The following FRMD4A variants were observed in gnomAD, a reference collection of about 807,000 sequenced individuals.
FRMD4A encodes FERM domain-containing protein 4A.
In FRMD4A, 29 loss-of-function variants were observed where a neutral mutation model predicts 129.1. The ratio of observed to expected loss-of-function variants is 0.22; its 90% CI spans 0.17 to 0.31. FRMD4A has a LOEUF of 0.31. Ranked by LOEUF, FRMD4A falls within the 10% of genes least tolerant of loss-of-function variation. The pLI is 1.00. For missense variants in FRMD4A, 1,272 were observed against 1,375.8 expected (o/e 0.92, Z 1.19); for synonymous variants, 634 against 571.6 (o/e 1.11, Z -1.56).
chr10:14,107,461 G>T (rs984369981), intron 2 of FRMD4A, among the ~76,000 whole-genome samples: 5 of 152,046 alleles, frequency 3.3e-5, no homozygotes, highest in African/African-American at 1.2e-4. Context: ...AAATATTTAG[G>T]AGTTGTTTAA....
chr10:13,878,222 C>CAA (rs34559071), intron 2 of FRMD4A, among the ~76,000 whole-genome samples: 3,814 of 91,076 alleles, frequency 0.042, 131 homozygotes, highest in African/African-American at 0.085. Flanking sequence ...CTACTTGTAG[C>CAA]AAAAAAAAAA....
intron 3 of FRMD4A, among the ~76,000 whole-genome samples, chr10:13,828,066 T>C (rs1588926663): frequency 1.3e-5 from 2 of 152,254 alleles, no homozygotes; most frequent in South Asian, 2.1e-4. Context: ...AGGCCTCGTC[T>C]GAGGCACTGT....
chr10:13,965,405 T>C (rs2095479469), intron 2 of FRMD4A, among the ~76,000 whole-genome samples: 1 of 152,194 alleles, frequency 6.6e-6, no homozygotes, highest in South Asian at 2.1e-4. Flanking sequence ...ACTGATAAGA[T>C]AATAAGTAGA....
chr10:14,174,866 AGTGTGTGTGTGTCTGT>A (rs59582131), intron 2 of FRMD4A, among the ~76,000 whole-genome samples: 51,554 of 139,326 alleles, frequency 0.37, 9,947 homozygotes, highest in South Asian at 0.47. Context: ...TAAAAAAAAA[AGTGTGTGTGTGTCTGT>A]GTGTGTGTGT....
At chr10:13,851,814 C>T (rs547777010) in intron 3 of FRMD4A, among the ~76,000 whole-genome samples, 11 of 151,728 alleles carry the variant, frequency 7.2e-5, no homozygotes, top group African/African-American at 1.5e-4. Context: ...GCAGGAGAAT[C>T]GCTTGAACTC....
intron 12 of FRMD4A, among the ~76,000 whole-genome samples, chr10:13,721,389 G>A (rs773018015): frequency 1.4e-4 from 22 of 152,258 alleles, no homozygotes; most frequent in African/African-American, 2.4e-4. Context: ...GGCTGAGGGA[G>A]GAGAATCGCT....
chr10:13,905,763 G>A (rs1245325709), intron 2 of FRMD4A, among the ~76,000 whole-genome samples: 4 of 152,182 alleles, frequency 2.6e-5, no homozygotes, highest in African/African-American at 9.6e-5. Flanking sequence ...AAGCAGATTT[G>A]TATCCAAGTC....
At chr10:14,102,285 G>T (rs549645145) in intron 2 of FRMD4A, among the ~76,000 whole-genome samples, 2 of 152,122 alleles carry the variant, frequency 1.3e-5, no homozygotes, top group African/African-American at 4.8e-5. Context: ...CCAGTACCTC[G>T]GGAGGCCAAG....
intron 2 of FRMD4A, among the ~76,000 whole-genome samples, chr10:14,252,487 G>A (rs1844473863): frequency 6.6e-6 from 1 of 152,208 alleles, no homozygotes. Context: ...TTTCTGAAGA[G>A]CATAGGCCAA....
chr10:14,013,100 G>A (rs2095687564), intron 2 of FRMD4A, among the ~76,000 whole-genome samples: 1 of 152,092 alleles, frequency 6.6e-6, no homozygotes, highest in Non-Finnish European at 1.5e-5. Flanking sequence ...GAGATGGGAA[G>A]GTGACCTAAG....
intron 2 of FRMD4A, among the ~76,000 whole-genome samples, chr10:14,208,533 G>A (rs1359748080): frequency 1.3e-5 from 2 of 152,128 alleles, no homozygotes; most frequent in Non-Finnish European, 2.9e-5. Flanking sequence ...CTTGGGGAAG[G>A]AGGAGGGGAC....
intron 2 of FRMD4A, among the ~76,000 whole-genome samples, chr10:13,914,298 T>C (rs944533709): frequency 6.6e-6 from 1 of 152,208 alleles, no homozygotes; most frequent in Non-Finnish European, 1.5e-5. Flanking sequence ...AAAATAACCA[T>C]ATACAAGGAA....
rs181554146 is a variant in FRMD4A at position 14,134,188 on chromosome 10, G to T, written c.45+195870C>A. 2.6e-5 allele frequency among the ~76,000 whole-genome samples: 4 copies of T among 152,148 alleles called. No homozygotes were observed. In the East Asian group the frequency reaches 7.7e-4, roughly 29 times the overall value. On this transcript the variant is annotated intron_variant, in intron 2 of 24. Coordinates refer to ENST00000357447, the MANE Select transcript of FRMD4A (RefSeq NM_018027.5). ...GTCTTTTTTTGTTTATTCCCATTCT[G>T]CTGTATAGCATATGTTTTGTAACAT...
intron 2 of FRMD4A, among the ~76,000 whole-genome samples, chr10:14,108,535 T>C (rs1837704071): frequency 6.6e-6 from 1 of 152,238 alleles, no homozygotes; most frequent in South Asian, 2.1e-4. Flanking sequence ...ACAGCTTCAC[T>C]ATTTACTCAA....
intron 2 of FRMD4A, among the ~76,000 whole-genome samples, chr10:13,959,476 A>T (rs1432027387): frequency 3.5e-4 from 12 of 34,768 alleles, no homozygotes; most frequent in African/African-American, 2.0e-3. Context: ...TTTCATAAAA[A>T]AAAAAAAAAA....
intron 15 of FRMD4A, among the ~76,000 whole-genome samples, chr10:13,683,553 C>T (rs116069963): frequency 0.015 from 2,351 of 152,086 alleles, 73 homozygotes; most frequent in African/African-American, 0.054. Flanking sequence ...GCTATGCTCA[C>T]ACCACTGCGC....
rs140770658 is a variant in FRMD4A at position 14,270,716 on chromosome 10, G to A, written c.45+59342C>T. On this transcript the variant is annotated intron_variant, in intron 2 of 24. Transcript: ENST00000357447. Reference sequence around the variant, plus strand: ...AGGCTCTTGGAAACTGCGACTTTAAGTGAAACAACATAAAACAGAACGATT... The same window carrying A: ...AGGCTCTTGGAAACTGCGACTTTAAATGAAACAACATAAAACAGAACGATT... 2.9e-4 allele frequency among the ~76,000 whole-genome samples: 44 copies of A among 152,302 alleles called. No homozygotes were observed. In the East Asian group the frequency reaches 7.7e-3, roughly 27 times the overall value.
intron 2 of FRMD4A, among the ~76,000 whole-genome samples, chr10:14,270,169 G>A (rs1045459226): frequency 6.6e-6 from 1 of 152,164 alleles, no homozygotes; most frequent in African/African-American, 2.4e-5. Flanking sequence ...GAAGCCTCTG[G>A]ACTTAGACTG....
chr10:13,747,031 G>C (rs774284500), intron 9 of FRMD4A, among the ~76,000 whole-genome samples: 38 of 152,226 alleles, frequency 2.5e-4, no homozygotes, highest in Non-Finnish European at 4.9e-4. Flanking sequence ...AGAAAACCCT[G>C]TGGTTCTCCC....
Sources: gnomAD v4.1 joint callset for allele counts (sites outside exome capture counted in the v4.1 genomes callset) on GRCh38, gnomAD v4.1.1 for gene constraint, MANE v1.5 for transcripts, NCBI Gene and HGNC (gene_info 2026-07-23, HGNC 2026-07-21) for gene names.